The following RUNDC3B variants were observed in gnomAD, a reference collection of about 807,000 sequenced individuals.
The protein encoded by RUNDC3B is RUN domain-containing protein 3B.
In RUNDC3B, 33 loss-of-function variants were observed where a neutral mutation model predicts 58.4. The ratio of observed to expected loss-of-function variants is 0.56; its 90% CI spans 0.43 to 0.75. The LOEUF (loss-of-function observed/expected upper bound fraction) is 0.75, where lower values mean the gene tolerates loss of function less well. Ranked by LOEUF, RUNDC3B falls within the 30% of genes least tolerant of loss-of-function variation. The probability of loss-of-function intolerance (pLI) is 0.00; values close to 1 mark genes in which losing one functional copy is unlikely to be tolerated. For missense variants in RUNDC3B, 501 were observed against 535.7 expected (o/e 0.94, Z 0.64); for synonymous variants, 193 against 195.2 (o/e 0.99, Z 0.10).
intron 1 of RUNDC3B, among the ~76,000 whole-genome samples, chr7:87,647,888 A>G (rs1366800164): frequency 6.6e-6 from 1 of 152,174 alleles, no homozygotes; most frequent in Non-Finnish European, 1.5e-5. Context: ...TACAGAAAAG[A>G]AATGGAAAAT....
chr7:87,686,496 A>G (rs942690803), intron 2 of RUNDC3B, among the ~76,000 whole-genome samples: 1 of 152,198 alleles, frequency 6.6e-6, no homozygotes, highest in African/African-American at 2.4e-5. Context: ...TTGATTATTT[A>G]TGGACTGACT....
rs545169062 is a variant in RUNDC3B, at chr7:87,822,633, C to T, written c.1225+6371C>T. On this transcript the variant is annotated intron_variant, in intron 10 of 10. Transcript: ENST00000394654. ...ATTCACAATAGCAAAGACTTGGAACCAAGCCAAATGTCCAACAACAATAGA... is the reference window on the plus strand; with the variant it reads ...ATTCACAATAGCAAAGACTTGGAACTAAGCCAAATGTCCAACAACAATAGA... Among the ~76,000 whole-genome samples, 71 of 152,250 alleles carry T rather than the reference C, an allele frequency of 4.7e-4. No homozygotes were observed. In the South Asian group the frequency reaches 9.3e-3, roughly 20 times the overall value.
chr7:87,760,993 T>C (rs1358632866), intron 6 of RUNDC3B, among the ~76,000 whole-genome samples: 1 of 151,910 alleles, frequency 6.6e-6, no homozygotes, highest in Admixed American at 6.6e-5. Flanking sequence ...TTCATCAAAA[T>C]TTAAAACTTG....
chr7:87,681,173 A>G (rs995074734), intron 2 of RUNDC3B, among the ~76,000 whole-genome samples: 1 of 150,734 alleles, frequency 6.6e-6, no homozygotes, highest in Non-Finnish European at 1.5e-5. Flanking sequence ...TATCTATTAA[A>G]GAAGTTGAAT....
intron 4 of RUNDC3B, among the ~76,000 whole-genome samples, chr7:87,736,877 ATATATATATATATTTTTTTTT>A (rs1259926876): frequency 5.9e-5 from 2 of 34,056 alleles, no homozygotes; most frequent in African/African-American, 2.8e-4. Context: ...ATATATATAT[ATATATATATATATTTTTTTTT>A]TTTTTTTTTT....
At chr7:87,814,077 C>T (rs1836886708) in intron 9 of RUNDC3B, among the ~76,000 whole-genome samples, 1 of 148,210 alleles carries the variant, frequency 6.7e-6, no homozygotes, top group African/African-American at 2.5e-5. Context: ...CAAGGATATT[C>T]TTGGAGAATG....
chr7:87,827,386 C>G (rs1837874442), intron 10 of RUNDC3B, among the ~76,000 whole-genome samples: 1 of 152,054 alleles, frequency 6.6e-6, no homozygotes, highest in Admixed American at 6.6e-5. Context: ...ACTGGGGAGG[C>G]TGAGGCAGGT....
chr7:87,688,806 T>C (rs1462923745), intron 2 of RUNDC3B, among the ~76,000 whole-genome samples: 1 of 152,032 alleles, frequency 6.6e-6, no homozygotes, highest in Non-Finnish European at 1.5e-5. Flanking sequence ...TATTGTAGCA[T>C]TCTTAATTAC....
chr7:87,739,760 A>G (rs1832204027), intron 4 of RUNDC3B, 31 bp from the exon 5 acceptor site: 2 of 1,029,594 alleles, frequency 1.9e-6, no homozygotes, highest in East Asian at 2.5e-5. Context: ...TATTTTTAAT[A>G]TTTTATATAT....
chr7:87,820,247 A>C (rs1414834187), intron 10 of RUNDC3B, among the ~76,000 whole-genome samples: 1 of 152,242 alleles, frequency 6.6e-6, no homozygotes, highest in East Asian at 1.9e-4. Context: ...CCATCAGAGA[A>C]TACTACAAAC....
chr7:87,637,622 AT>A (rs1416316531), intron 1 of RUNDC3B, among the ~76,000 whole-genome samples: 1 of 152,152 alleles, frequency 6.6e-6, no homozygotes, highest in East Asian at 1.9e-4. Context: ...ATATATAGAT[AT>A]TTTAAATCTC....
At chr7:87,742,179 T>C (rs1156899223) in intron 6 of RUNDC3B, among the ~76,000 whole-genome samples, 1 of 152,202 alleles carries the variant, frequency 6.6e-6, no homozygotes, top group Non-Finnish European at 1.5e-5. Context: ...TGAAAGATTA[T>C]TTCCTGACTA....
At chr7:87,787,286 A>G (rs1032839155) in intron 8 of RUNDC3B, among the ~76,000 whole-genome samples, 4 of 152,174 alleles carry the variant, frequency 2.6e-5, no homozygotes, top group Non-Finnish European at 5.9e-5. Context: ...AAGAAGGCCT[A>G]TAATCAAAGT....
chr7:87,802,688 AT>A (rs1836234803), intron 8 of RUNDC3B, among the ~76,000 whole-genome samples: 1 of 152,176 alleles, frequency 6.6e-6, no homozygotes, highest in African/African-American at 2.4e-5. Context: ...ATACACACCT[AT>A]TATGTACCCA....
intron 6 of RUNDC3B, among the ~76,000 whole-genome samples, chr7:87,763,424 T>G (rs939575809): frequency 6.6e-6 from 1 of 151,678 alleles, no homozygotes; most frequent in Non-Finnish European, 1.5e-5. Flanking sequence ...ATTATAACCA[T>G]CAGAAGTTGT....
chr7:87,699,255 G>A (rs1320322207), intron 2 of RUNDC3B, among the ~76,000 whole-genome samples: 3 of 151,966 alleles, frequency 2.0e-5, no homozygotes, highest in Non-Finnish European at 2.9e-5. Flanking sequence ...AAATATGAAA[G>A]CAAATCTTTC....
chr7:87,797,967 C>A (rs997806989), intron 8 of RUNDC3B, among the ~76,000 whole-genome samples: 3 of 152,182 alleles, frequency 2.0e-5, no homozygotes, highest in African/African-American at 7.2e-5. Flanking sequence ...TCAAAATACA[C>A]GAATACAGTC....
intron 2 of RUNDC3B, among the ~76,000 whole-genome samples, chr7:87,670,434 G>A (rs1442602034): frequency 1.3e-5 from 2 of 152,128 alleles, no homozygotes; most frequent in African/African-American, 4.8e-5. Flanking sequence ...GAGTCTCAGT[G>A]ATCTTTGTAC....
At chr7:87,732,097 A>G (rs1174485678) in intron 4 of RUNDC3B, among the ~76,000 whole-genome samples, 1 of 152,218 alleles carries the variant, frequency 6.6e-6, no homozygotes, top group Non-Finnish European at 1.5e-5. Context: ...CTAGAAATCA[A>G]TAACAGAGAA....
Sources: allele counts gnomAD v4.1 joint callset (sites outside exome capture counted in the v4.1 genomes callset), GRCh38; gene constraint gnomAD v4.1.1; transcripts MANE v1.5; gene names NCBI Gene and HGNC (gene_info 2026-07-23, HGNC 2026-07-21).